Variants in FHOD3 observed in about 807,000 individuals in gnomAD.
The protein encoded by FHOD3 is FH1/FH2 domain-containing protein 3.
In FHOD3, 90 loss-of-function variants were observed where a neutral mutation model predicts 173.0. The observed-to-expected ratio is 0.52, with a 90% CI of 0.44 to 0.62. The LOEUF is 0.62. Among genes scored for constraint, FHOD3 ranks in the 20% least tolerant of loss-of-function variants. FHOD3 has a pLI of 0.00. For missense variants in FHOD3, 1,945 were observed against 2,034.7 expected, an observed-to-expected ratio of 0.96 and a Z score of 0.85; for synonymous variants, 828 against 823.0, an observed-to-expected ratio of 1.01 and a Z score of -0.10.
chr18:36,640,305 G>T (rs1289333302), intron 10 of FHOD3, among the ~76,000 whole-genome samples: 1 of 152,188 alleles, frequency 6.6e-6, no homozygotes, highest in Admixed American at 6.5e-5. Flanking sequence ...TAAAAAACTT[G>T]ATGGCTAACA....
intron 5 of FHOD3, among the ~76,000 whole-genome samples, chr18:36,558,867 C>T (rs569436872): frequency 1.3e-5 from 2 of 152,160 alleles, no homozygotes; most frequent in African/African-American, 2.4e-5. Context: ...TCAAAGAGAA[C>T]GGGCTGCCTT....
intron 9 of FHOD3, among the ~76,000 whole-genome samples, chr18:36,619,547 T>C (rs1452051544): frequency 1.3e-5 from 2 of 152,214 alleles, no homozygotes; most frequent in East Asian, 3.9e-4. Flanking sequence ...ATCATTTCCT[T>C]AGCTCTGGCC....
intron 16 of FHOD3, among the ~76,000 whole-genome samples, chr18:36,689,874 G>T (rs2038853282): frequency 6.6e-6 from 1 of 152,142 alleles, no homozygotes; most frequent in Admixed American, 6.5e-5. Flanking sequence ...AGTAAGAAAG[G>T]GTTCTGAGCC....
At chr18:36,779,178 C>CT in intron 28 of FHOD3, 1 of 501,562 alleles carries the variant, frequency 2.0e-6, no homozygotes. Flanking sequence ...TTTCTCTCCT[C>CT]TTTATAAGTG....
chr18:36,355,729 A>G, intron 2 of FHOD3, 84 bp downstream of exon 2: 1 of 1,096,738 alleles, frequency 9.1e-7, no homozygotes, highest in South Asian at 1.4e-5. Flanking sequence ...ATTTAGGAGG[A>G]ACTACCATGG....
chr18:36,608,499 AC>A (rs1156783537), intron 8 of FHOD3, among the ~76,000 whole-genome samples: 1 of 152,188 alleles, frequency 6.6e-6, no homozygotes, highest in Non-Finnish European at 1.5e-5. Flanking sequence ...CAACACATGA[AC>A]TTTGGGTGGG....
chr18:36,304,814 G>T (rs969524700), intron 1 of FHOD3, among the ~76,000 whole-genome samples: 4 of 152,184 alleles, frequency 2.6e-5, no homozygotes, highest in African/African-American at 9.7e-5. Context: ...AAACTGTGAA[G>T]TTGCTAAGGC....
At chr18:36,528,643 A>C (rs187198591) in intron 5 of FHOD3, among the ~76,000 whole-genome samples, 1 of 152,098 alleles carries the variant, frequency 6.6e-6, no homozygotes, top group Admixed American at 6.5e-5. Flanking sequence ...GGCCCTCTGG[A>C]TACTGGGCAA....
At chr18:36,682,436 T>C (rs1458027430) in intron 15 of FHOD3, among the ~76,000 whole-genome samples, 3 of 152,184 alleles carry the variant, frequency 2.0e-5, no homozygotes, top group African/African-American at 7.2e-5. Context: ...TTCTTTCTTT[T>C]CATTTTTCTC....
At chr18:36,712,235 G>A (rs1394200355) in intron 18 of FHOD3, among the ~76,000 whole-genome samples, 1 of 152,166 alleles carries the variant, frequency 6.6e-6, no homozygotes, top group African/African-American at 2.4e-5. Flanking sequence ...CATTTCAAGA[G>A]CTAAGGCAAT....
At chr18:36,313,375 G>A (rs571163911) in intron 1 of FHOD3, among the ~76,000 whole-genome samples, 54 of 152,262 alleles carry the variant, frequency 3.5e-4, no homozygotes, top group African/African-American at 1.3e-3. Context: ...TTTTGTGACT[G>A]CCACCACTAA....
At chr18:36,406,056 T>G (rs2049038284) in intron 3 of FHOD3, among the ~76,000 whole-genome samples, 1 of 152,140 alleles carries the variant, frequency 6.6e-6, no homozygotes, top group African/African-American at 2.4e-5. Flanking sequence ...CTGCCCTAAG[T>G]TCACATTGTG....
chr18:36,330,369 TGTC>T (rs888938198), intron 1 of FHOD3, among the ~76,000 whole-genome samples: 5 of 152,246 alleles, frequency 3.3e-5, no homozygotes, highest in African/African-American at 1.2e-4. Context: ...TTCTGAGCAC[TGTC>T]GAGTGCTCTA....
intron 16 of FHOD3, among the ~76,000 whole-genome samples, chr18:36,690,383 T>C (rs927810764): frequency 6.6e-6 from 1 of 152,164 alleles, no homozygotes; most frequent in African/African-American, 2.4e-5. Context: ...CAGAGGAGGC[T>C]CTGTCGGTCT....
At chr18:36,461,426 A>G (rs769975760) in intron 3 of FHOD3, among the ~76,000 whole-genome samples, 3 of 150,466 alleles carry the variant, frequency 2.0e-5, no homozygotes, top group Non-Finnish European at 4.4e-5. Flanking sequence ...GGGAACCCAA[A>G]TTTGAGCTCA....
chr18:36,652,133 GT>G (rs2036099317), intron 11 of FHOD3, among the ~76,000 whole-genome samples: 1 of 152,238 alleles, frequency 6.6e-6, no homozygotes, highest in Non-Finnish European at 1.5e-5. Context: ...CTTCCTCAAG[GT>G]TGGGCTTTTT....
chr18:36,583,729 G>A (rs1276127770), intron 6 of FHOD3, among the ~76,000 whole-genome samples: 1 of 152,064 alleles, frequency 6.6e-6, no homozygotes, highest in Non-Finnish European at 1.5e-5. Context: ...CAGTTCCAAG[G>A]GGTTTATGCT....
rs551937136 is a variant in FHOD3 at position 36,615,961 on chromosome 18, C to G, written c.957+3866C>G. ...ACTTGAAGCTGCCAACAGCCACCAG[C>G]TGGCCAGCTCTTTGTGCGCTGCTCT... On this transcript the variant is annotated intron_variant, in intron 9 of 28. Transcript: ENST00000590592. Among the ~76,000 whole-genome samples the G allele has an allele frequency of 7.2e-5, 11 of 152,358 alleles. No individual in the cohort carries two copies. In the South Asian group the frequency reaches 1.4e-3, roughly 20 times the overall value.
At chr18:36,726,549 C>T (rs1279239694) in intron 19 of FHOD3, among the ~76,000 whole-genome samples, 1 of 152,190 alleles carries the variant, frequency 6.6e-6, no homozygotes, top group African/African-American at 2.4e-5. Flanking sequence ...ACTCTTTCTT[C>T]TCTGACCTCT....
Sources: allele counts gnomAD v4.1 joint callset (sites outside exome capture counted in the v4.1 genomes callset), GRCh38; gene constraint gnomAD v4.1.1; transcripts MANE v1.5; gene names NCBI Gene and HGNC (gene_info 2026-07-23, HGNC 2026-07-21).